Variants in LEPR observed in about 807,000 individuals in gnomAD.
LEPR encodes the protein OB receptor.
Under a neutral mutation model 114.7 loss-of-function variants are expected in LEPR, and 56 were observed. The observed-to-expected ratio is 0.49, with a 90% confidence interval of 0.39 to 0.61. LEPR has a LOEUF of 0.61. Among genes scored for constraint, LEPR ranks in the 20% least tolerant of loss-of-function variants. The pLI is 0.00. For missense variants in LEPR, 1,202 were observed against 1,352.9 expected (o/e 0.89, Z 1.75); for synonymous variants, 443 against 461.4 (o/e 0.96, Z 0.51).
intron 16 of LEPR, among the ~76,000 whole-genome samples, chr1:65,619,363 A>G (rs546619520): frequency 6.6e-6 from 1 of 152,258 alleles, no homozygotes; most frequent in East Asian, 1.9e-4. Flanking sequence ...TGTGAAAATC[A>G]TGATGGATCC....
intron 5 of LEPR, among the ~76,000 whole-genome samples, chr1:65,583,241 C>G (rs1318368643): frequency 6.6e-6 from 1 of 152,100 alleles, no homozygotes; most frequent in Non-Finnish European, 1.5e-5. Flanking sequence ...GTAAGGGGCT[C>G]AAGTTCATGG....
At chr1:65,493,550 A>C (rs923760795) in intron 2 of LEPR, among the ~76,000 whole-genome samples, 2 of 152,128 alleles carry the variant, frequency 1.3e-5, no homozygotes, top group African/African-American at 4.8e-5. Flanking sequence ...AAAAATTCTT[A>C]ATTGTGGCAA....
At chr1:65,525,547 A>C (rs913742426) in intron 2 of LEPR, 7 of 841,460 alleles carry the variant, frequency 8.3e-6, no homozygotes, top group Non-Finnish European at 1.0e-5. Flanking sequence ...CCTCCCGCTC[A>C]GGGGCGGCTG....
At position 65,601,832 on chromosome 1, in the gene LEPR, G is replaced by A. The variant is rs767404055; in HGVS notation, c.1286-11G>A. On this transcript the variant is annotated splice_polypyrimidine_tract_variant and intron_variant, in intron 9 of 19. Transcript: ENST00000349533. ...TTGCTTTATATTAATATTTTAATAT[G>A]TTTCAAATAGATGTCAATATCAATA... The A allele has an allele frequency of 2.7e-5, 44 of 1,607,092 alleles. No individual in the cohort carries two copies. The African/African-American group carries it at 4.4e-4, about 16-fold the overall frequency.
chr1:65,478,427 T>C (rs147374006), intron 2 of LEPR, among the ~76,000 whole-genome samples: 309 of 152,348 alleles, frequency 2.0e-3, no homozygotes, highest in African/African-American at 7.3e-3. Context: ...TTTTGAAGGC[T>C]TTTAGAGCTC....
chr1:65,420,973 G>T (rs1646236048), intron 1 of LEPR, among the ~76,000 whole-genome samples: 2 of 152,164 alleles, frequency 1.3e-5, no homozygotes, highest in Non-Finnish European at 2.9e-5. Context: ...CTGCTCTCCA[G>T]TGGCGGCACC....
intron 6 of LEPR, among the ~76,000 whole-genome samples, chr1:65,595,250 T>TGTG (rs1655981993): frequency 6.6e-6 from 1 of 151,578 alleles, no homozygotes; most frequent in Admixed American, 6.6e-5. Context: ...TATGGAATAC[T>TGTG]GTGGTTTTGA....
At chr1:65,450,410 A>C (rs1352681471) in intron 2 of LEPR, among the ~76,000 whole-genome samples, 2 of 140,076 alleles carry the variant, frequency 1.4e-5, no homozygotes, top group African/African-American at 2.7e-5. Context: ...ATATCTCCCA[A>C]TGCTATCCCT....
intron 19 of LEPR, among the ~76,000 whole-genome samples, chr1:65,632,317 GC>G (rs1451347169): frequency 3.3e-5 from 5 of 152,038 alleles, no homozygotes; most frequent in Non-Finnish European, 7.4e-5. Flanking sequence ...ACATTACTGG[GC>G]CTAGAAGTGT....
At chr1:65,538,171 T>G (rs1171267) in intron 2 of LEPR, among the ~76,000 whole-genome samples, 94,273 of 151,428 alleles carry the variant, frequency 0.62, 30,202 homozygotes, top group Middle Eastern at 0.75. Flanking sequence ...TTTTCTTCCT[T>G]TTTTTTTTGA....
intron 2 of LEPR, among the ~76,000 whole-genome samples, chr1:65,478,626 T>C (rs1647183941): frequency 6.6e-6 from 1 of 152,214 alleles, no homozygotes; most frequent in Non-Finnish European, 1.5e-5. Flanking sequence ...TCTTAGTGGG[T>C]ACTTAATCTG....
chr1:65,510,102 G>T (rs1342038211), intron 2 of LEPR, among the ~76,000 whole-genome samples: 2 of 152,112 alleles, frequency 1.3e-5, no homozygotes, highest in East Asian at 3.8e-4. Context: ...GGAGAGAGTT[G>T]GTCAGTAACA....
chr1:65,537,691 C>T (rs1650876210), intron 2 of LEPR, among the ~76,000 whole-genome samples: 1 of 152,156 alleles, frequency 6.6e-6, no homozygotes, highest in South Asian at 2.1e-4. Context: ...CTCTCACCAT[C>T]TCTCCTTGTA....
intron 2 of LEPR, among the ~76,000 whole-genome samples, chr1:65,453,808 C>T (rs1185329288): frequency 2.0e-4 from 31 of 152,018 alleles, no homozygotes; most frequent in Non-Finnish European, 5.9e-5. Flanking sequence ...CCGCTTGGTG[C>T]AGAGCTGAGT....
At chr1:65,523,586 C>T (rs1304580535) in intron 2 of LEPR, among the ~76,000 whole-genome samples, 1 of 152,174 alleles carries the variant, frequency 6.6e-6, no homozygotes, top group East Asian at 1.9e-4. Flanking sequence ...GCTGGGATTA[C>T]AGGCATGAGC....
chr1:65,473,447 C>G (rs1048748295), intron 2 of LEPR, among the ~76,000 whole-genome samples: 1 of 152,120 alleles, frequency 6.6e-6, no homozygotes, highest in African/African-American at 2.4e-5. Flanking sequence ...TAAATCAATA[C>G]AAAAGTTATT....
At chr1:65,578,222 G>A (rs566444426) in intron 5 of LEPR, 39 of 170,264 alleles carry the variant, frequency 2.3e-4, no homozygotes, top group Non-Finnish European at 4.4e-4. Flanking sequence ...GGGTATGTGG[G>A]TTGGTTCCAA....
At chr1:65,614,343 T>C (rs1043722367) in intron 14 of LEPR, among the ~76,000 whole-genome samples, 1 of 152,074 alleles carries the variant, frequency 6.6e-6, no homozygotes, top group African/African-American at 2.4e-5. Context: ...ATTTAGGAGG[T>C]TGAAGGATCC....
intron 2 of LEPR, among the ~76,000 whole-genome samples, chr1:65,544,504 A>G (rs1035790083): frequency 2.0e-5 from 3 of 151,990 alleles, no homozygotes; most frequent in East Asian, 1.9e-4. Context: ...GAGAGAGGGC[A>G]TTCTTGTCTT....
Sources: gnomAD v4.1 joint callset for allele counts (sites outside exome capture counted in the v4.1 genomes callset) on GRCh38, gnomAD v4.1.1 for gene constraint, MANE v1.5 for transcripts, NCBI Gene and HGNC (gene_info 2026-07-23, HGNC 2026-07-21) for gene names.